ARMC8: variants seen among roughly 807,000 people sequenced by gnomAD.
ARMC8 encodes armadillo repeat-containing protein 8.
In ARMC8, 20 loss-of-function variants were observed where a neutral mutation model predicts 99.3. The ratio of observed to expected loss-of-function variants is 0.20; its 90% CI spans 0.14 to 0.29. ARMC8 has a LOEUF of 0.29. ARMC8 is among the 10% of genes least tolerant of loss of function. The probability of loss-of-function intolerance (pLI) is 1.00; values close to 1 mark genes in which losing one functional copy is unlikely to be tolerated. For missense variants in ARMC8, 569 were observed against 809.5 expected, an observed-to-expected ratio of 0.70 and a Z score of 3.60; for synonymous variants, 263 against 278.3, an observed-to-expected ratio of 0.95 and a Z score of 0.55.
chr3:138,210,371 T>G (rs1372600715), intron 2 of ARMC8, among the ~76,000 whole-genome samples: 1 of 152,252 alleles, frequency 6.6e-6, no homozygotes, highest in Non-Finnish European at 1.5e-5. Context: ...ATAACCATAA[T>G]GCCTTTTTTT....
chr3:138,246,888 T>C (rs1253760523), intron 12 of ARMC8: 5 of 891,770 alleles, frequency 5.6e-6, no homozygotes, highest in East Asian at 2.4e-4. Context: ...TTATTAATTA[T>C]AGTTTTTTGT....
In ARMC8 at chr3:138,187,371, C is replaced by T; in HGVS notation, c.-184C>T. ...GAACGATTCGTAGGACAGCCCCTGACGCCATTCCCTTTTGCCCTTCTTTCT... is the reference window on the plus strand; with the variant it reads ...GAACGATTCGTAGGACAGCCCCTGATGCCATTCCCTTTTGCCCTTCTTTCT... On this transcript the variant is annotated 5_prime_UTR_variant, in exon 1 of 22. The change creates a new upstream start codon in the 5' untranslated region. Coordinates refer to ENST00000469044, the MANE Select transcript of ARMC8 (RefSeq NM_001363941.2). The T allele has an allele frequency of 1.7e-6, 1 of 592,142 alleles. No individual in the cohort carries two copies. Among genetic ancestry groups the T allele is most frequent in the Non-Finnish European group, 3.0e-6 (1 of 333,026 alleles). 36.7% of individuals were successfully genotyped at this position (592,142 alleles called of 1,614,324 possible).
At chr3:138,255,477 C>A (rs567911622) in intron 12 of ARMC8, among the ~76,000 whole-genome samples, 2 of 151,698 alleles carry the variant, frequency 1.3e-5, no homozygotes, top group Non-Finnish European at 2.9e-5. Flanking sequence ...GCTGGGATTA[C>A]AGGCCTGAGC....
chr3:138,280,357 G>C (rs1376592578), intron 18 of ARMC8, among the ~76,000 whole-genome samples: 1 of 150,520 alleles, frequency 6.6e-6, no homozygotes, highest in African/African-American at 2.4e-5. Flanking sequence ...TCACTCTGTT[G>C]CCCAGGCTGG....
intron 1 of ARMC8, among the ~76,000 whole-genome samples, chr3:138,198,941 A>G (rs1164588204): frequency 6.6e-6 from 1 of 152,132 alleles, no homozygotes; most frequent in Non-Finnish European, 1.5e-5. Context: ...CTTATGCTAT[A>G]CAAGTATATT....
At chr3:138,270,742 TTAA>T (rs1413585277) in intron 16 of ARMC8, among the ~76,000 whole-genome samples, 1 of 152,180 alleles carries the variant, frequency 6.6e-6, no homozygotes, top group Admixed American at 6.6e-5. Context: ...GCATAAATAC[TTAA>T]TAATTTTTTA....
At chr3:138,256,108 A>C (rs2047387612) in intron 12 of ARMC8, among the ~76,000 whole-genome samples, 1 of 152,228 alleles carries the variant, frequency 6.6e-6, no homozygotes. Context: ...TGGATGGGAA[A>C]CCCTGCAGTT....
At chr3:138,217,564 T>C (rs938915204) in intron 2 of ARMC8, among the ~76,000 whole-genome samples, 2 of 152,208 alleles carry the variant, frequency 1.3e-5, no homozygotes, top group Non-Finnish European at 2.9e-5. Flanking sequence ...TAAAAATCTC[T>C]TTCAGAGCAA....
rs1220169875 is a variant in ARMC8 at position 138,209,862 on chromosome 3, C to G, written c.91C>G (p.Pro31Ala). ...CCACTATGTTGACAGGCTATTTGAC[C>G]CTGATCCCCAGAAAGTTCTACAAGG... ...SRHYVDRLFD[P>A]DPQKVLQGVI... Residue 31 changes from proline to alanine, a missense_variant, in exon 2 of 22, where the codon CCT (proline) becomes GCT (alanine). Physicochemically the swap from Pro to Ala is conservative, Grantham distance 27 (BLOSUM62 -1). This residue lies in a region of ARMC8 where 342 missense variants were observed against 391.6 expected (regional missense o/e 0.87). Coordinates refer to ENST00000469044, the MANE Select transcript of ARMC8 (RefSeq NM_001363941.2). The G allele has an allele frequency of 1.2e-6, 2 of 1,613,786 alleles. No homozygotes were observed. The highest frequency in any genetic ancestry group is 3.3e-5 in the Admixed American group (2 of 60,004).
chr3:138,226,819 A>G (rs1020763368), intron 5 of ARMC8, among the ~76,000 whole-genome samples: 1 of 152,204 alleles, frequency 6.6e-6, no homozygotes, highest in Non-Finnish European at 1.5e-5. Flanking sequence ...ATTCTGATCT[A>G]TGCCAGCTGT....
chr3:138,207,303 CA>C (rs770243367), intron 1 of ARMC8, among the ~76,000 whole-genome samples: 5 of 152,174 alleles, frequency 3.3e-5, no homozygotes, highest in Non-Finnish European at 5.9e-5. Context: ...GGGAAATAAT[CA>C]TGTAAACATA....
Position 138,241,694 on chromosome 3 carries a change from T to A in ARMC8, c.838-89T>A. ...AATATATGATCATAAACATTACTCC[T>A]GATAAAAGCTATTGAGTTGATTCAG... On this transcript the variant is annotated intron_variant, in intron 10 of 21. Transcript: ENST00000469044. 3 of 1,072,766 alleles carry A rather than the reference T, an allele frequency of 2.8e-6. No homozygotes were observed. The South Asian group carries it at 4.1e-5, about 15-fold the overall frequency. The allele number at this position is 1,072,766 out of a possible 1,614,324, so 66.5% of individuals were successfully genotyped here.
At chr3:138,248,379 A>G (rs189203618) in intron 12 of ARMC8, among the ~76,000 whole-genome samples, 60 of 152,344 alleles carry the variant, frequency 3.9e-4, no homozygotes, top group Non-Finnish European at 5.7e-4. Flanking sequence ...AGTAACTGCA[A>G]TGACAGCAAT....
At chr3:138,196,470 G>A (rs1433320054) in intron 1 of ARMC8, among the ~76,000 whole-genome samples, 2 of 152,124 alleles carry the variant, frequency 1.3e-5, no homozygotes, top group Non-Finnish European at 2.9e-5. Flanking sequence ...AGGAGAACAT[G>A]CATATGCCTA....
chr3:138,199,784 G>GT (rs1278858767), intron 1 of ARMC8, among the ~76,000 whole-genome samples: 1 of 152,226 alleles, frequency 6.6e-6, no homozygotes, highest in Non-Finnish European at 1.5e-5. Flanking sequence ...GTAGGGACAA[G>GT]TACAAATACA....
At chr3:138,278,859 G>A (rs1274573057) in intron 18 of ARMC8, among the ~76,000 whole-genome samples, 1 of 152,066 alleles carries the variant, frequency 6.6e-6, no homozygotes, top group Non-Finnish European at 1.5e-5. Context: ...TTCATTGTTA[G>A]TATATGGTAA....
chr3:138,229,178 A>ATATATATATATATATATG (rs1576686064), intron 6 of ARMC8, 168 bp downstream of exon 6: 1 of 32,096 alleles, frequency 3.1e-5, no homozygotes, highest in African/African-American at 9.7e-5. Context: ...ATATATATAT[A>ATATATATATATATATATG]TATATGTATA....
At position 138,297,385 on chromosome 3, in the gene ARMC8, AAAG is replaced by A. The variant is rs1172957070; in HGVS notation, c.*1497_*1499del. 1 of 152,138 alleles carries A rather than the reference AAAG, an allele frequency of 6.6e-6. No individual in the cohort carries two copies. The highest frequency in any genetic ancestry group is 1.5e-5 in the Non-Finnish European group (1 of 68,028). 9.4% of individuals were successfully genotyped at this position (152,138 alleles called of 1,614,324 possible). On this transcript the variant is annotated 3_prime_UTR_variant, in exon 22 of 22. Transcript: ENST00000469044. The stretch of plus-strand genomic sequence containing the variant: ...AGCAGCCTACCTTTTCTCTTTGCTA[AAAG>A]AAGGTCAAAGGCTTCGCAACCAGGA...
At chr3:138,263,403 T>A (rs2047945127) in intron 12 of ARMC8, 1 of 250,986 alleles carries the variant, frequency 4.0e-6, no homozygotes, top group South Asian at 5.6e-5. Flanking sequence ...ACCTGCCCAA[T>A]GAGAGTTCAT....
Sources: gnomAD v4.1 joint callset for allele counts (sites outside exome capture counted in the v4.1 genomes callset) on GRCh38, gnomAD v4.1.1 for gene constraint, gnomAD v4.1.1 regional missense constraint, MANE v1.5 for transcripts, NCBI Gene and HGNC (gene_info 2026-07-23, HGNC 2026-07-21) for gene names.